The following ADAMTS9 variants were observed in gnomAD, a reference collection of about 807,000 sequenced individuals.
The protein encoded by ADAMTS9 is ADAM metallopeptidase with thrombospondin type 1 motif 9, also known as A disintegrin and metalloproteinase with thrombospondin motifs 9.
In ADAMTS9, 107 loss-of-function variants were observed where a neutral mutation model predicts 257.1. That is an observed-to-expected ratio of 0.42 (90% confidence interval 0.36 to 0.49). The LOEUF (loss-of-function observed/expected upper bound fraction) is 0.49. Among genes scored for constraint, ADAMTS9 ranks in the 20% least tolerant of loss-of-function variants. The pLI, the probability that ADAMTS9 is intolerant of heterozygous loss-of-function variation, is 0.03. For synonymous variants in ADAMTS9, 982 were observed against 880.9 expected, an observed-to-expected ratio of 1.11 and a Z score of -2.03; for missense variants, 2,353 against 2,469.1, an observed-to-expected ratio of 0.95 and a Z score of 1.00.
At chr3:64,627,870 G>C (rs1055062335) in intron 16 of ADAMTS9, among the ~76,000 whole-genome samples, 1 of 152,162 alleles carries the variant, frequency 6.6e-6, no homozygotes, top group Non-Finnish European at 1.5e-5. Flanking sequence ...GCTGTGACTG[G>C]ACTCAACGCG....
chr3:64,678,206 A>C (rs1256278451), intron 3 of ADAMTS9, among the ~76,000 whole-genome samples: 1 of 152,206 alleles, frequency 6.6e-6, no homozygotes, highest in Non-Finnish European at 1.5e-5. Context: ...GAAGCATCTT[A>C]ACATCCTGCA....
In ADAMTS9 at chr3:64,633,518, G is replaced by T. The variant is rs146931047; in HGVS notation, c.2129C>A (p.Pro710His). Reference sequence around the variant, plus strand: ...GATATCATTTGTGTCCTGGCCACAAGGAGTTCCATCTATCACTCTGTCTCG... The same window carrying T: ...GATATCATTTGTGTCCTGGCCACAATGAGTTCCATCTATCACTCTGTCTCG... Reference protein sequence around the residue: ...QLRDRVIDGTPCGQDTNDICV... With the variant: ...QLRDRVIDGTHCGQDTNDICV... The change falls in exon 14 of 40, where the codon CCT becomes CAT. Residue 710 changes from proline (P) to histidine (H), a missense_variant. By Grantham distance (77) the Pro-to-His change is moderately conservative (BLOSUM62 -2). Around this residue, in one of 3 missense-constraint regions of ADAMTS9, gnomAD observed 360 missense variants for 458.1 expected, o/e 0.79. Coordinates refer to ENST00000498707, the MANE Select transcript of ADAMTS9 (RefSeq NM_182920.2). 55 of 1,613,984 alleles carry T rather than the reference G, an allele frequency of 3.4e-5. No individual in the cohort carries two copies. The African/African-American group carries it at 7.2e-4, about 21-fold the overall frequency.
At chr3:64,610,019 G>A (rs939872228) in intron 22 of ADAMTS9, among the ~76,000 whole-genome samples, 1 of 152,190 alleles carries the variant, frequency 6.6e-6, no homozygotes, top group Non-Finnish European at 1.5e-5. Flanking sequence ...AATGGAGAGA[G>A]AACAGCCTCT....
intron 22 of ADAMTS9, among the ~76,000 whole-genome samples, chr3:64,609,387 G>A (rs138838266): frequency 6.6e-6 from 1 of 151,942 alleles, no homozygotes; most frequent in Non-Finnish European, 1.5e-5. Context: ...GGAATCCCAA[G>A]AATCCATTAA....
chr3:64,660,815 C>G (rs1383949142), intron 3 of ADAMTS9, among the ~76,000 whole-genome samples: 2 of 151,258 alleles, frequency 1.3e-5, no homozygotes, highest in Non-Finnish European at 3.0e-5. Context: ...ACTTAATAAG[C>G]AAAGAAAAAA....
intron 38 of ADAMTS9, among the ~76,000 whole-genome samples, chr3:64,532,202 A>G (rs2106891574): frequency 6.6e-6 from 1 of 152,332 alleles, no homozygotes; most frequent in South Asian, 2.1e-4. Flanking sequence ...CGCAAGTTGG[A>G]AATATCATTA....
At chr3:64,610,163 CTT>C (rs1270875679) in intron 22 of ADAMTS9, among the ~76,000 whole-genome samples, 1 of 152,162 alleles carries the variant, frequency 6.6e-6, no homozygotes, top group Non-Finnish European at 1.5e-5. Flanking sequence ...CTAGAAAACT[CTT>C]TTAAAAAATG....
At chr3:64,521,899 T>C (rs1327313356) in intron 39 of ADAMTS9, among the ~76,000 whole-genome samples, 2 of 152,124 alleles carry the variant, frequency 1.3e-5, no homozygotes, top group African/African-American at 4.8e-5. Context: ...TGTAACAAAC[T>C]TGCACATGTA....
intron 21 of ADAMTS9, chr3:64,614,871 TC>T (rs1447533881): frequency 3.3e-5 from 5 of 153,038 alleles, no homozygotes; most frequent in African/African-American, 1.2e-4. Context: ...TATTTTTTTT[TC>T]TTGCAGTTGG....
At chr3:64,528,919 G>A (rs900881078) in intron 38 of ADAMTS9, among the ~76,000 whole-genome samples, 4 of 151,856 alleles carry the variant, frequency 2.6e-5, no homozygotes, top group Non-Finnish European at 4.4e-5. Context: ...AGATGGCAGA[G>A]CCAGTGGGCA....
At chr3:64,561,065 C>CTTTT (rs57577807) in intron 30 of ADAMTS9, among the ~76,000 whole-genome samples, 5,145 of 83,616 alleles carry the variant, frequency 0.062, 286 homozygotes, top group African/African-American at 0.16. Context: ...AGATACCATC[C>CTTTT]TTTTTTTTTT....
At chr3:64,584,349 G>A (rs1244431525) in intron 28 of ADAMTS9, among the ~76,000 whole-genome samples, 3 of 152,100 alleles carry the variant, frequency 2.0e-5, no homozygotes, top group African/African-American at 7.2e-5. Flanking sequence ...TTTCAGTTTA[G>A]CTGCATGGGT....
chr3:64,568,241 C>G (rs1352358861), intron 29 of ADAMTS9, 127 bp downstream of exon 29: 2 of 941,452 alleles, frequency 2.1e-6, no homozygotes, highest in Non-Finnish European at 3.1e-6. Context: ...TAATGATTCT[C>G]CCCTCCCAGT....
rs780680534 is a variant in ADAMTS9, at chr3:64,616,020, G to C, written c.2964C>G (p.Asn988Lys). ...TACATTCCCCTGAGCATTTTTCACG[G>C]TTGCTTGGTTTGGGATGGCTGCTGC... ...GFCSSHPKPS[N>K]REKCSGECNT... The change falls in exon 20 of 40, where the codon AAC becomes AAG. Residue 988 changes from asparagine (N) to lysine (K), a missense_variant. By Grantham distance (94) the Asn-to-Lys change is moderately conservative (BLOSUM62 0). Transcript: ENST00000498707. The C allele has an allele frequency of 6.2e-7, 1 of 1,613,974 alleles. No individual in the cohort carries two copies. The highest frequency in any genetic ancestry group is 8.5e-7 in the Non-Finnish European group (1 of 1,179,978).
At chr3:64,580,120 G>GTA (rs199574054) in intron 28 of ADAMTS9, among the ~76,000 whole-genome samples, 1,555 of 152,022 alleles carry the variant, frequency 0.01, 15 homozygotes, top group Non-Finnish European at 0.015. Flanking sequence ...GTATGTGTGT[G>GTA]TATATATATA....
At position 64,622,514 on chromosome 3, in the gene ADAMTS9, C is replaced by T. The variant is rs202175916; in HGVS notation, c.2462G>A (p.Arg821His). 118 of 1,613,978 alleles carry T rather than the reference C, an allele frequency of 7.3e-5. No individual in the cohort carries two copies. Among genetic ancestry groups the T allele is most frequent in the South Asian group, 3.2e-4 (29 of 91,084 alleles). Residue 821 changes from arginine (R) to histidine (H), a missense_variant, in exon 17 of 40, where the codon CGC (arginine) becomes CAC (histidine). Physicochemically the swap from Arg to His is conservative, Grantham distance 29 (BLOSUM62 0). Around this residue, in one of 3 missense-constraint regions of ADAMTS9, gnomAD observed 1,402 missense variants for 1,441.4 expected, o/e 0.97. Transcript: ENST00000498707. ...FVVTMAKREI[R>H]IGNAVVEYSG... ...GTACTCTACCACAGCATTCCCAATG[C>T]GAATTTCCCTTTTGGCCATTGTGAC... is the stretch of plus-strand genomic sequence containing the variant.
chr3:64,624,448 T>A (rs1027112190), intron 16 of ADAMTS9, among the ~76,000 whole-genome samples: 1 of 152,150 alleles, frequency 6.6e-6, no homozygotes, highest in Non-Finnish European at 1.5e-5. Context: ...ATGCAATTTT[T>A]ATTTGTCAAG....
chr3:64,577,162 A>G (rs1039291195), intron 28 of ADAMTS9, among the ~76,000 whole-genome samples: 4 of 152,202 alleles, frequency 2.6e-5, no homozygotes, highest in African/African-American at 9.7e-5. Context: ...AAGAAACAAA[A>G]ACCAAGGAAA....
At chr3:64,643,054 A>C (rs1700694551) in intron 11 of ADAMTS9, among the ~76,000 whole-genome samples, 1 of 152,138 alleles carries the variant, frequency 6.6e-6, no homozygotes, top group African/African-American at 2.4e-5. Flanking sequence ...TTATCCTCTT[A>C]CAGTATCTGA....
Sources: allele counts gnomAD v4.1 joint callset (sites outside exome capture counted in the v4.1 genomes callset), GRCh38; gene constraint gnomAD v4.1.1; regional missense constraint gnomAD v4.1.1; transcripts MANE v1.5; gene names NCBI Gene and HGNC (gene_info 2026-07-23, HGNC 2026-07-21).